The following ANK1 variants were observed in gnomAD, a reference collection of about 807,000 sequenced individuals.
The protein encoded by ANK1 is ankyrin-1.
A neutral mutation model predicts 210.4 loss-of-function variants in ANK1; 51 were observed. The observed-to-expected ratio is 0.24, with a 90% CI of 0.19 to 0.31. The LOEUF is 0.31. Among genes scored for constraint, ANK1 ranks in the 10% least tolerant of loss-of-function variants. The probability of loss-of-function intolerance (pLI) is 1.00; values close to 1 mark genes in which losing one functional copy is unlikely to be tolerated. For missense variants in ANK1, 2,051 were observed against 2,504.4 expected, an observed-to-expected ratio of 0.82 and a Z score of 3.86; for synonymous variants, 967 against 1,025.9, an observed-to-expected ratio of 0.94 and a Z score of 1.10.
At chr8:41,664,732 C>T (rs1424807514) in intron 39 of ANK1, 9 of 1,446,220 alleles carry the variant, frequency 6.2e-6, no homozygotes, top group Non-Finnish European at 7.5e-6. Flanking sequence ...GAGCTCCCCA[C>T]AGCAGCGTCC....
chr8:41,835,743 T>G (rs1807561874), intron 1 of ANK1, among the ~76,000 whole-genome samples: 1 of 152,252 alleles, frequency 6.6e-6, no homozygotes, highest in Non-Finnish European at 1.5e-5. Context: ...CTAGAACATG[T>G]GGTCCTCAGA....
intron 2 of ANK1, among the ~76,000 whole-genome samples, chr8:41,740,317 C>T (rs1210340999): frequency 3.9e-5 from 6 of 152,024 alleles, no homozygotes; most frequent in Admixed American, 2.0e-4. Context: ...TCTGCCACCA[C>T]GCCTGGCTAA....
At chr8:41,744,180 A>G (rs575784079) in intron 2 of ANK1, among the ~76,000 whole-genome samples, 1 of 152,366 alleles carries the variant, frequency 6.6e-6, no homozygotes, top group East Asian at 1.9e-4. Context: ...AGACAAATCC[A>G]TAGGAGACAA....
rs547903969 is a variant in ANK1 at position 41,883,279 on chromosome 8, C to T, written c.126+13076G>A. 5.9e-5 allele frequency among the ~76,000 whole-genome samples: 9 copies of T among 152,280 alleles called. No homozygotes were observed. The East Asian group carries it at 1.2e-3, about 20-fold the overall frequency. On this transcript the variant is annotated intron_variant, in intron 1 of 42. Transcript: ENST00000265709. The stretch of plus-strand genomic sequence containing the variant: ...TGAGGTGGATGGCCTTTTGCATGTC[C>T]GTTCACACTCATATGCCTTGCAGTC...
At chr8:41,816,057 T>C (rs1246459621) in intron 1 of ANK1, among the ~76,000 whole-genome samples, 1 of 152,252 alleles carries the variant, frequency 6.6e-6, no homozygotes, top group Non-Finnish European at 1.5e-5. Context: ...TAAAAGTCCA[T>C]TTATAAACCT....
chr8:41,701,447 C>A, intron 22 of ANK1, 103 bp downstream of exon 22: 7 of 1,001,672 alleles, frequency 7.0e-6, no homozygotes, highest in Non-Finnish European at 1.1e-5. Context: ...AGTGCTTGGG[C>A]GTGTTGTAAG....
chr8:41,882,571 G>C (rs1001771875), intron 1 of ANK1, among the ~76,000 whole-genome samples: 12 of 152,164 alleles, frequency 7.9e-5, no homozygotes, highest in African/African-American at 2.9e-4. Context: ...GGGTGAACCG[G>C]GAGACTGATC....
At chr8:41,720,118 C>T (rs1053194869) in intron 9 of ANK1, among the ~76,000 whole-genome samples, 1 of 152,230 alleles carries the variant, frequency 6.6e-6, no homozygotes, top group Non-Finnish European at 1.5e-5. Flanking sequence ...CCACTCTAGA[C>T]TCCTGTGGGC....
chr8:41,725,202 C>G (rs974497452), intron 6 of ANK1, among the ~76,000 whole-genome samples: 2 of 152,200 alleles, frequency 1.3e-5, no homozygotes, highest in Non-Finnish European at 2.9e-5. Flanking sequence ...CCCGGTGGAT[C>G]TGGGGCCGGT....
chr8:41,659,181 C>T (rs1463978173), intron 42 of ANK1, among the ~76,000 whole-genome samples: 1 of 152,242 alleles, frequency 6.6e-6, no homozygotes, highest in African/African-American at 2.4e-5. Context: ...TCCATTCCCT[C>T]CTTAAGGAAC....
In ANK1 at chr8:41,827,795, GCA is replaced by G. The variant is rs924407797; in HGVS notation, c.126+68558_126+68559del. Among the ~76,000 whole-genome samples the G allele has an allele frequency of 1.2e-4, 15 of 123,112 alleles. No individual in the cohort carries two copies. In the East Asian group the frequency reaches 1.4e-3, roughly 12 times the overall value. The allele number at this position is 123,112 out of a possible 152,430, so 80.8% of individuals were successfully genotyped here. On this transcript the variant is annotated intron_variant, in intron 1 of 42. Coordinates refer to the ANK1 transcript ENST00000265709. ...CACACATGCTCACGCCCACACACAT[GCA>G]CACTCACGCACACACCCACATACAC...
intron 1 of ANK1, among the ~76,000 whole-genome samples, chr8:41,785,643 G>C (rs1199712532): frequency 6.6e-6 from 1 of 152,192 alleles, no homozygotes; most frequent in Non-Finnish European, 1.5e-5. Context: ...GGTCACTCCA[G>C]TCCCAACCAC....
rs576976990 is a variant in ANK1 at position 41,797,497 on chromosome 8, C to T, written c.27+15G>A. On this transcript the variant is annotated intron_variant, in intron 1 of 42. Coordinates refer to ENST00000289734, the MANE Select transcript of ANK1 (RefSeq NM_000037.4). The surrounding 1 kb of genome is among the most constrained non-coding windows in gnomAD (Gnocchi z 4.0). Reference sequence around the variant, plus strand: ...GACATCTCCCCGTCCACCCGAGCAGCCGCCCAGTACTCACTTCGCGGAAGC... The same window carrying T: ...GACATCTCCCCGTCCACCCGAGCAGTCGCCCAGTACTCACTTCGCGGAAGC... 5 of 1,612,298 alleles carry T rather than the reference C, an allele frequency of 3.1e-6. No individual in the cohort carries two copies. In the African/African-American group the frequency reaches 4.0e-5, roughly 13 times the overall value.
chr8:41,672,415 C>G lies in ANK1; in HGVS notation c.5035G>C (p.Gly1679Arg). 6.2e-7 allele frequency: 1 copy of G among 1,614,196 alleles called. No individual in the cohort carries two copies. Among genetic ancestry groups the G allele is most frequent in the South Asian group, 1.1e-5 (1 of 91,078 alleles). ...EVSLVSGHQR[G>R]QARITHSPTV... ...GGGGAATGTGTGATTCGGGCTTGCC[C>G]CCTCTGATGGCCTGAAACAAGAGAC... The change falls in exon 38 of 43, where the codon GGG becomes CGG. Residue 1679 changes from glycine (G) to arginine (R), a missense_variant. Coordinates refer to ENST00000289734, the MANE Select transcript of ANK1 (RefSeq NM_000037.4).
intron 1 of ANK1, among the ~76,000 whole-genome samples, chr8:41,790,092 A>C (rs964272199): frequency 1.3e-5 from 2 of 151,424 alleles, no homozygotes; most frequent in African/African-American, 4.9e-5. Flanking sequence ...TGCACTCTCC[A>C]TGCTGTGACA....
chr8:41,662,002 T>C, intron 40 of ANK1, 61 bp from the exon 41 acceptor site: 1 of 1,578,538 alleles, frequency 6.3e-7, no homozygotes, highest in Non-Finnish European at 8.7e-7. Flanking sequence ...CTCATGTCTG[T>C]AATCTCAGCA....
chr8:41,796,327 G>A (rs922717050), intron 1 of ANK1, among the ~76,000 whole-genome samples: 3 of 152,008 alleles, frequency 2.0e-5, no homozygotes, highest in East Asian at 1.9e-4. Flanking sequence ...AAACACTTGC[G>A]TTTGAGTCTG....
chr8:41,785,343 G>A lies in ANK1; in HGVS notation c.27+12169C>T, dbSNP rs568115046. Among the ~76,000 whole-genome samples, 6 of 152,308 alleles carry A rather than the reference G, an allele frequency of 3.9e-5. No homozygotes were observed. The East Asian group carries it at 1.2e-3, about 29-fold the overall frequency. On this transcript the variant is annotated intron_variant, in intron 1 of 42. Transcript: ENST00000289734. ...CCACTCCACTCCAGCCTGGGTGACA[G>A]AGCAAGACCCTGTCTCTAAAAGCAA...
At chr8:41,712,011 G>A (rs1826279963) in intron 16 of ANK1, among the ~76,000 whole-genome samples, 1 of 151,778 alleles carries the variant, frequency 6.6e-6, no homozygotes, top group Non-Finnish European at 1.5e-5. Context: ...CGCAATCTCT[G>A]CCTCCCGGGT....
Sources: allele counts gnomAD v4.1 joint callset (sites outside exome capture counted in the v4.1 genomes callset), GRCh38; gene constraint gnomAD v4.1.1; non-coding constraint Gnocchi (gnomAD v3.1); transcripts MANE v1.5; gene names NCBI Gene and HGNC (gene_info 2026-07-23, HGNC 2026-07-21).